BNC2: variants seen among roughly 807,000 people sequenced by gnomAD.
BNC2 encodes basonuclin zinc finger protein 2, also known as zinc finger protein basonuclin-2.
Under a neutral mutation model 76.3 loss-of-function variants are expected in BNC2, and 20 were observed. The observed-to-expected ratio is 0.26, with a 90% CI of 0.18 to 0.38. The LOEUF is 0.38. BNC2 is among the 10% of genes least tolerant of loss of function. The pLI, the probability that BNC2 is intolerant of heterozygous loss-of-function variation, is 1.00. For synonymous variants in BNC2, 582 were observed against 514.8 expected, an observed-to-expected ratio of 1.13 and a Z score of -1.77; for missense variants, 1,382 against 1,399.8, an observed-to-expected ratio of 0.99 and a Z score of 0.20.
chr9:16,588,335 C>A (rs1049512428), intron 3 of BNC2, among the ~76,000 whole-genome samples: 3 of 152,196 alleles, frequency 2.0e-5, no homozygotes, highest in Non-Finnish European at 2.9e-5. Context: ...AATTGCTTAA[C>A]ACATATTTAG....
intron 5 of BNC2, among the ~76,000 whole-genome samples, chr9:16,532,556 T>G (rs944329825): frequency 5.3e-5 from 8 of 152,200 alleles, no homozygotes; most frequent in Non-Finnish European, 1.0e-4. Flanking sequence ...CTATGAGAGC[T>G]GATTGCTAAA....
intron 5 of BNC2, among the ~76,000 whole-genome samples, chr9:16,437,833 A>C (rs1214659366): frequency 6.6e-6 from 1 of 152,244 alleles, no homozygotes; most frequent in Non-Finnish European, 1.5e-5. Context: ...ACAATGATCT[A>C]TATACTATGC....
intron 3 of BNC2, among the ~76,000 whole-genome samples, chr9:16,708,146 C>G (rs1217238014): frequency 6.6e-6 from 1 of 152,030 alleles, no homozygotes; most frequent in Non-Finnish European, 1.5e-5. Context: ...AAAAGGTGCC[C>G]AGAGTTTTGT....
intron 1 of BNC2, among the ~76,000 whole-genome samples, chr9:16,809,285 G>A (rs1817989014): frequency 6.6e-6 from 1 of 151,878 alleles, no homozygotes; most frequent in African/African-American, 2.4e-5. Context: ...CCTTTTCAGT[G>A]GTCTACAGTG....
intron 5 of BNC2, among the ~76,000 whole-genome samples, chr9:16,460,516 AG>A (rs1033463366): frequency 6.6e-6 from 1 of 152,080 alleles, no homozygotes; most frequent in African/African-American, 2.4e-5. Flanking sequence ...CCAGTTACTC[AG>A]GGGGTGGAGA....
intron 1 of BNC2, among the ~76,000 whole-genome samples, chr9:16,859,493 A>C (rs1269669381): frequency 1.3e-5 from 2 of 152,254 alleles, no homozygotes; most frequent in Non-Finnish European, 2.9e-5. Flanking sequence ...GTATATACAT[A>C]TGATGAAATA....
intron 3 of BNC2, among the ~76,000 whole-genome samples, chr9:16,642,617 T>C (rs1261541825): frequency 2.0e-5 from 3 of 152,190 alleles, no homozygotes; most frequent in African/African-American, 4.8e-5. Context: ...CAAGCGTCCA[T>C]TTGGCAGTAG....
intron 6 of BNC2, among the ~76,000 whole-genome samples, chr9:16,424,267 A>G (rs866545573): frequency 1.0e-4 from 15 of 143,482 alleles, no homozygotes; most frequent in African/African-American, 2.8e-4. Context: ...CACGAAAAAG[A>G]AAAAAAAAAA....
At chr9:16,443,291 G>A (rs1260562256) in intron 5 of BNC2, among the ~76,000 whole-genome samples, 3 of 152,124 alleles carry the variant, frequency 2.0e-5, no homozygotes, top group African/African-American at 7.2e-5. Flanking sequence ...AGGTTTGTGA[G>A]ATATGTTTAT....
chr9:16,818,189 GGT>G, intron 1 of BNC2, among the ~76,000 whole-genome samples: 1 of 152,174 alleles, frequency 6.6e-6, no homozygotes, highest in Non-Finnish European at 1.5e-5. Flanking sequence ...CAGATCACGA[GGT>G]CAGGAAATCA....
intron 3 of BNC2, among the ~76,000 whole-genome samples, chr9:16,704,096 G>A (rs1823591246): frequency 6.6e-6 from 1 of 152,034 alleles, no homozygotes; most frequent in Non-Finnish European, 1.5e-5. Context: ...TATACATTGG[G>A]GGAAAAAATC....
chr9:16,627,509 A>G (rs972825137), intron 3 of BNC2, among the ~76,000 whole-genome samples: 5 of 152,202 alleles, frequency 3.3e-5, no homozygotes, highest in African/African-American at 1.2e-4. Context: ...GCAGTTCTGC[A>G]CAATACCAGG....
intron 1 of BNC2, among the ~76,000 whole-genome samples, chr9:16,750,469 A>G (rs992400017): frequency 1.3e-5 from 2 of 152,244 alleles, no homozygotes; most frequent in Admixed American, 6.5e-5. Context: ...TTTGCCTTGC[A>G]TTACGGAGAT....
intron 1 of BNC2, among the ~76,000 whole-genome samples, chr9:16,807,639 G>C (rs975668629): frequency 6.6e-6 from 1 of 152,160 alleles, no homozygotes; most frequent in Non-Finnish European, 1.5e-5. Context: ...GGAAGTAAAA[G>C]AGTGACAGAA....
intron 5 of BNC2, among the ~76,000 whole-genome samples, chr9:16,448,588 G>T (rs749347562): frequency 6.6e-6 from 1 of 152,156 alleles, no homozygotes; most frequent in Non-Finnish European, 1.5e-5. Context: ...TAGGATGTGA[G>T]GGAGCAGGGC....
chr9:16,778,728 T>C (rs571174695), intron 1 of BNC2, among the ~76,000 whole-genome samples: 24 of 152,294 alleles, frequency 1.6e-4, no homozygotes, highest in African/African-American at 5.8e-4. Flanking sequence ...AGATCCTTAA[T>C]GCATAGTTCT....
intron 3 of BNC2, among the ~76,000 whole-genome samples, chr9:16,631,982 G>T (rs1229446299): frequency 6.6e-6 from 1 of 152,232 alleles, no homozygotes; most frequent in East Asian, 1.9e-4. Context: ...CAGCTGATCT[G>T]TGTTGCTGGG....
chr9:16,795,435 A>G (rs1288926912), intron 1 of BNC2, among the ~76,000 whole-genome samples: 1 of 150,310 alleles, frequency 6.7e-6, no homozygotes, highest in East Asian at 2.0e-4. Context: ...TACCGGAAAC[A>G]TTGGGAGACT....
In BNC2 at chr9:16,414,584, A is replaced by G. The variant is rs1279430478; in HGVS notation, c.*4405T>C. 1 of 152,216 alleles carries G rather than the reference A, an allele frequency of 6.6e-6. No individual in the cohort carries two copies. The highest frequency in any genetic ancestry group is 1.5e-5 in the Non-Finnish European group (1 of 68,032). 9.4% of individuals were successfully genotyped at this position (152,216 alleles called of 1,614,324 possible). On this transcript the variant is annotated 3_prime_UTR_variant, in exon 7 of 7. Coordinates refer to ENST00000380672, the MANE Select transcript of BNC2 (RefSeq NM_017637.6). ...GATGAAAAAAAGTTTCTTCTGGATG[A>G]TTTGTTTCTTGATGATAGCAGATGT...
Sources: gnomAD v4.1 joint callset for allele counts (sites outside exome capture counted in the v4.1 genomes callset) on GRCh38, gnomAD v4.1.1 for gene constraint, MANE v1.5 for transcripts, NCBI Gene and HGNC (gene_info 2026-07-23, HGNC 2026-07-21) for gene names.